PTPN5: variants seen among roughly 807,000 people sequenced by gnomAD.
The protein encoded by PTPN5 is tyrosine-protein phosphatase non-receptor type 5.
PTPN5 carries 29 observed loss-of-function variants against 73.9 expected under a neutral mutation model. That is an observed-to-expected ratio of 0.39 (90% CI 0.29 to 0.54). The LOEUF (loss-of-function observed/expected upper bound fraction) is 0.54, where lower values mean the gene tolerates loss of function less well. Among genes scored for constraint, PTPN5 ranks in the 20% least tolerant of loss-of-function variants. PTPN5 has a pLI of 0.65. For synonymous variants in PTPN5, 267 were observed against 304.7 expected (o/e 0.88, Z 1.29); for missense variants, 652 against 751.4 (o/e 0.87, Z 1.55).
chr11:18,758,963 A>C (rs1349984206), intron 3 of PTPN5, among the ~76,000 whole-genome samples: 11 of 152,108 alleles, frequency 7.2e-5, no homozygotes, highest in Admixed American at 7.2e-4. Context: ...AAAACGGAGG[A>C]TCATTCTCCC....
chr11:18,775,780 T>C (rs1851119556), intron 1 of PTPN5, among the ~76,000 whole-genome samples: 1 of 152,148 alleles, frequency 6.6e-6, no homozygotes, highest in African/African-American at 2.4e-5. Flanking sequence ...TGAGATGACC[T>C]CTAAGGGCCT....
intron 3 of PTPN5, among the ~76,000 whole-genome samples, chr11:18,761,611 ACACT>A (rs957986963): frequency 2.0e-5 from 3 of 152,094 alleles, no homozygotes; most frequent in African/African-American, 7.2e-5. Flanking sequence ...AGTGGGGTAG[ACACT>A]CACTGCCCCC....
At position 18,729,802 on chromosome 11, in the gene PTPN5, C is replaced by T. The variant is rs890447148; in HGVS notation, c.1346G>A (p.Arg449Gln). The T allele has an allele frequency of 4.3e-6, 7 of 1,613,824 alleles. No homozygotes were observed. Among genetic ancestry groups the T allele is most frequent in the South Asian group, 1.1e-5 (1 of 91,064 alleles). ...TGTGAACCAGTAATGCTTCAGGCCT[C>T]GCTCCTCAGTCCCACTCTGTCGAGG... ...LISLKSGTEE[R>Q]GLKHYWFTSW... The change falls in exon 13 of 15, where the codon CGA becomes CAA. Residue 449 changes from arginine (R) to glutamine (Q), a missense_variant. Transcript: ENST00000358540. This position sits in a 1 kb window ranked among gnomAD's most constrained non-coding sequence, Gnocchi z 5.2.
intron 3 of PTPN5, among the ~76,000 whole-genome samples, chr11:18,757,215 T>C (rs1173074096): frequency 2.6e-5 from 4 of 152,194 alleles, no homozygotes; most frequent in Non-Finnish European, 4.4e-5. Flanking sequence ...ACTGAATTCT[T>C]ATAACTACCA....
intron 1 of PTPN5, among the ~76,000 whole-genome samples, chr11:18,779,265 A>G (rs1230788797): frequency 2.0e-5 from 3 of 152,092 alleles, no homozygotes; most frequent in Admixed American, 2.0e-4. Flanking sequence ...GTTTGGTGGA[A>G]GAGTCTAACT....
intron 3 of PTPN5, among the ~76,000 whole-genome samples, chr11:18,753,405 G>C (rs79527254): frequency 0.028 from 4,288 of 152,290 alleles, 187 homozygotes; most frequent in African/African-American, 0.096. Flanking sequence ...TATCTCTAAA[G>C]ATCCACTGTT....
At chr11:18,789,406 C>T (rs1007296744) in intron 1 of PTPN5, among the ~76,000 whole-genome samples, 16 of 152,156 alleles carry the variant, frequency 1.1e-4, no homozygotes, top group African/African-American at 3.9e-4. Flanking sequence ...GGGTTATATA[C>T]TGACACCGTA....
chr11:18,736,511 G>GC (rs565428230), intron 9 of PTPN5, among the ~76,000 whole-genome samples: 3 of 152,314 alleles, frequency 2.0e-5, no homozygotes, highest in African/African-American at 7.2e-5. Flanking sequence ...TAAATCCTCA[G>GC]CCCCTGGGGC....
chr11:18,741,058 A>C (rs540238843), intron 7 of PTPN5, among the ~76,000 whole-genome samples: 2 of 152,220 alleles, frequency 1.3e-5, no homozygotes, highest in Admixed American at 1.3e-4. Flanking sequence ...TAAAAGTTCC[A>C]TCCAAAGCTA....
intron 8 of PTPN5, 115 bp from the exon 9 acceptor site, chr11:18,738,079 A>G: frequency 1.3e-6 from 1 of 774,688 alleles, no homozygotes; most frequent in Non-Finnish European, 2.3e-6. Flanking sequence ...GCACGCATTC[A>G]TTCAACAAAC....
chr11:18,735,538 G>A (rs1564889376), intron 9 of PTPN5, among the ~76,000 whole-genome samples: 1 of 152,240 alleles, frequency 6.6e-6, no homozygotes, highest in Non-Finnish European at 1.5e-5. Flanking sequence ...GATTTAGGCC[G>A]GGCGTGGTGG....
chr11:18,742,652 C>A lies in PTPN5; in HGVS notation c.484-149G>T. 6 of 1,222,252 alleles carry A rather than the reference C, an allele frequency of 4.9e-6. No individual in the cohort carries two copies. The highest frequency in any genetic ancestry group is 2.5e-5 in the East Asian group (1 of 39,270). The allele number at this position is 1,222,252 out of a possible 1,614,324, so 75.7% of individuals were successfully genotyped here. ...GGGAGTTGTCCACAAGGCACTGCCC[C>A]TGGCCTCGATGGGAGGCTCCATGCC... is the stretch of plus-strand genomic sequence containing the variant. On this transcript the variant is annotated intron_variant, in intron 6 of 14. Coordinates refer to ENST00000358540, the MANE Select transcript of PTPN5 (RefSeq NM_006906.2). This position sits in a 1 kb window ranked among gnomAD's most constrained non-coding sequence, Gnocchi z 4.1.
Position 18,733,164 on chromosome 11 carries a change from A to T in PTPN5, c.1218+71T>A. On this transcript the variant is annotated intron_variant, in intron 11 of 14. Transcript: ENST00000358540. The surrounding 1 kb of genome is among the most constrained non-coding windows in gnomAD (Gnocchi z 4.3). ...ACCTCTTGAGATTGTCATAAAGATT[A>T]ATTTGAGAACAAGATACTTAGTGTA... 6.4e-7 allele frequency: 1 copy of T among 1,563,474 alleles called. No individual in the cohort carries two copies. Among genetic ancestry groups the T allele is most frequent in the Non-Finnish European group, 8.7e-7 (1 of 1,147,912 alleles).
chr11:18,786,478 A>T (rs917982613), intron 1 of PTPN5, among the ~76,000 whole-genome samples: 2 of 152,252 alleles, frequency 1.3e-5, no homozygotes, highest in African/African-American at 4.8e-5. Flanking sequence ...CTGGGATTAC[A>T]GGCGTGAGCC....
intron 3 of PTPN5, among the ~76,000 whole-genome samples, chr11:18,750,302 G>A (rs965950936): frequency 6.6e-6 from 1 of 152,072 alleles, no homozygotes; most frequent in Non-Finnish European, 1.5e-5. Context: ...AGTCTTGGCT[G>A]AGGTCTGCTA....
At chr11:18,784,209 C>T (rs1054573933) in intron 1 of PTPN5, among the ~76,000 whole-genome samples, 1 of 152,162 alleles carries the variant, frequency 6.6e-6, no homozygotes, top group Non-Finnish European at 1.5e-5. Context: ...TCAAACAGAT[C>T]CTGGCACACC....
chr11:18,752,274 T>A (rs1849923842), intron 3 of PTPN5, among the ~76,000 whole-genome samples: 1 of 152,190 alleles, frequency 6.6e-6, no homozygotes, highest in Non-Finnish European at 1.5e-5. Flanking sequence ...TAGAGGATGC[T>A]GTGAATTAAA....
At chr11:18,776,020 C>T (rs895365433) in intron 1 of PTPN5, among the ~76,000 whole-genome samples, 7 of 152,254 alleles carry the variant, frequency 4.6e-5, no homozygotes, top group East Asian at 1.9e-4. Context: ...GCGGCGGTCA[C>T]GGACCCAAAA....
rs200656328 is a variant in PTPN5 at position 18,733,225 on chromosome 11, G to A, written c.1218+10C>T. 1.9e-6 allele frequency: 3 copies of A among 1,608,146 alleles called. No individual in the cohort carries two copies. The highest frequency in any genetic ancestry group is 4.5e-5 in the East Asian group (2 of 44,654). ...TAGCAGACACTTAGAATGGGGACGGGGGTCCCTACCTCGTTCATCTCCTCG... is the reference window on the plus strand; with the variant it reads ...TAGCAGACACTTAGAATGGGGACGGAGGTCCCTACCTCGTTCATCTCCTCG... On this transcript the variant is annotated intron_variant, in intron 11 of 14. Transcript: ENST00000358540. The surrounding 1 kb of genome is among the most constrained non-coding windows in gnomAD (Gnocchi z 4.3).
Sources: gnomAD v4.1 joint callset for allele counts (sites outside exome capture counted in the v4.1 genomes callset) on GRCh38, gnomAD v4.1.1 for gene constraint, Gnocchi (gnomAD v3.1) non-coding constraint, MANE v1.5 for transcripts, NCBI Gene and HGNC (gene_info 2026-07-23, HGNC 2026-07-21) for gene names.